Variants in SYNJ2 observed in about 807,000 individuals in gnomAD.
The protein encoded by SYNJ2 is polyphosphatidylinositol phosphatase SYNJ2.
A neutral mutation model predicts 141.3 loss-of-function variants in SYNJ2; 116 were observed. The ratio of observed to expected loss-of-function variants is 0.82; its 90% CI spans 0.71 to 0.96. The LOEUF (loss-of-function observed/expected upper bound fraction) is 0.96. SYNJ2 is among the 40% of genes least tolerant of loss of function. The pLI is 0.00. For synonymous variants in SYNJ2, 745 were observed against 777.7 expected, an observed-to-expected ratio of 0.96 and a Z score of 0.70; for missense variants, 1,873 against 1,934.8, an observed-to-expected ratio of 0.97 and a Z score of 0.60.
intron 1 of SYNJ2, among the ~76,000 whole-genome samples, chr6:158,013,066 A>G (rs979676763): frequency 6.6e-5 from 10 of 152,252 alleles, no homozygotes; most frequent in African/African-American, 2.4e-4. Context: ...TTTAGCCCCC[A>G]TAAAAATACA....
At position 158,068,659 on chromosome 6, in the gene SYNJ2, C is replaced by T; in HGVS notation, c.1730C>T (p.Pro577Leu). Residue 577 changes from proline (P) to leucine (L), a missense_variant, in exon 13 of 27, where the codon CCA becomes CTA. Pro to Leu is a moderately conservative substitution (Grantham distance 98). Coordinates refer to ENST00000355585, the MANE Select transcript of SYNJ2 (RefSeq NM_003898.4). ...CCTTGCTCCCCAGATGACAGCAGCCCAGCTGACATATTTGCTGTGGGGTTT... is the reference window on the plus strand; with the variant it reads ...CCTTGCTCCCCAGATGACAGCAGCCTAGCTGACATATTTGCTGTGGGGTTT... ...GATDSQDDSS[P>L]ADIFAVGFEE... 1.2e-6 allele frequency: 2 copies of T among 1,614,260 alleles called. No homozygotes were observed. The highest frequency in any genetic ancestry group is 1.7e-4 in the Middle Eastern group (1 of 6,058).
intron 26 of SYNJ2, among the ~76,000 whole-genome samples, chr6:158,095,164 A>AAAT (rs1562415764): frequency 6.6e-6 from 1 of 151,934 alleles, no homozygotes; most frequent in African/African-American, 2.4e-5. Context: ...AAAAAAAAAA[A>AAAT]TTCAAGGAGA....
At position 157,982,030 on chromosome 6, in the gene SYNJ2, G is replaced by T; in HGVS notation, c.69G>T (p.Leu23=). The part of the protein sequence containing the change: ...LGAEGDCSVL[L]EARGRDDCLL... ...CCGAGGGGGACTGTAGCGTGCTGCT[G>T]GAGGCGCGCGGCCGCGACGACTGCC... Residue 23 remains leucine, a synonymous_variant, in exon 1 of 27, where the codon CTG becomes CTT. Coordinates refer to ENST00000355585, the MANE Select transcript of SYNJ2 (RefSeq NM_003898.4). This position sits in a 1 kb window ranked among gnomAD's most constrained non-coding sequence, Gnocchi z 4.0. The T allele has an allele frequency of 7.5e-7, 1 of 1,336,024 alleles. No homozygotes were observed. Among genetic ancestry groups the T allele is most frequent in the Non-Finnish European group, 9.6e-7 (1 of 1,046,676 alleles). The allele number at this position is 1,336,024 out of a possible 1,614,324, so 82.8% of individuals were successfully genotyped here.
rs1216900794 is a variant in SYNJ2, at chr6:158,051,988, GAA to G, written c.796-2976_796-2975del. ...AAAAAAAGAAGAAGAAGAATAAGAA[GAA>G]AAGAAAAGGAAACCTTCTCCAAGGA... is the stretch of plus-strand genomic sequence containing the variant. On this transcript the variant is annotated intron_variant, in intron 5 of 26. Transcript: ENST00000355585. Among the ~76,000 whole-genome samples the G allele has an allele frequency of 2.6e-5, 4 of 151,724 alleles. No individual in the cohort carries two copies. In the East Asian group the frequency reaches 7.7e-4, roughly 29 times the overall value.
At chr6:158,066,303 G>A (rs1035827098) in intron 11 of SYNJ2, 141 bp from the exon 12 acceptor site, 6 of 924,146 alleles carry the variant, frequency 6.5e-6, no homozygotes, top group Admixed American at 5.3e-5. Flanking sequence ...GCCTTTTGTC[G>A]TCTTCGTAAG....
chr6:158,091,653 G>T (rs1783460594), intron 25 of SYNJ2, among the ~76,000 whole-genome samples: 1 of 151,528 alleles, frequency 6.6e-6, no homozygotes, highest in African/African-American at 2.4e-5. Context: ...GGGAGGCTGA[G>T]GCAGAAGAAT....
chr6:158,068,831 C>T (rs736741), intron 13 of SYNJ2, 103 bp downstream of exon 13: 255,544 of 1,271,150 alleles, frequency 0.2, 28,618 homozygotes, highest in Admixed American at 0.39. Flanking sequence ...TGCTTCTGAG[C>T]CAGCTAAGCT....
chr6:158,020,822 C>G (rs1413546906), intron 2 of SYNJ2, among the ~76,000 whole-genome samples: 1 of 152,236 alleles, frequency 6.6e-6, no homozygotes, highest in African/African-American at 2.4e-5. Flanking sequence ...CCCACAGGCT[C>G]TTAATTTGGG....
rs751255083 is a variant in SYNJ2, at chr6:158,076,788, G to A, written c.2449+6G>A. The A allele has an allele frequency of 8.1e-5, 131 of 1,608,672 alleles. No homozygotes were observed. The highest frequency in any genetic ancestry group is 2.5e-4 in the East Asian group (11 of 44,760). On this transcript the variant is annotated splice_donor_region_variant and intron_variant, in intron 17 of 26. Coordinates refer to ENST00000355585, the MANE Select transcript of SYNJ2 (RefSeq NM_003898.4). The stretch of plus-strand genomic sequence containing the variant: ...ACATCCCTTTGATAAAACAGGTGAG[G>A]GGGCCGTGCCCGTTCGAGAGTCGGC...
intron 26 of SYNJ2, among the ~76,000 whole-genome samples, chr6:158,095,047 G>A (rs1021226786): frequency 6.6e-6 from 1 of 152,044 alleles, no homozygotes; most frequent in Admixed American, 6.5e-5. Flanking sequence ...TACTCGGGAG[G>A]CTGAAGCAGG....
In SYNJ2 at chr6:158,069,583, G is replaced by A. The variant is rs201236063; in HGVS notation, c.1850G>A (p.Arg617His). The A allele has an allele frequency of 3.1e-5, 50 of 1,613,840 alleles. No homozygotes were observed. In the Admixed American group the frequency reaches 3.7e-4, roughly 12 times the overall value. Residue 617 changes from arginine to histidine, a missense_variant, in exon 14 of 27, where the codon CGC becomes CAC. Coordinates refer to ENST00000355585, the MANE Select transcript of SYNJ2 (RefSeq NM_003898.4). ...GAACAGCTTCAGAAAGCCATCTCAC[G>A]CTCTCATAGATACATTCTGTTGACT... ...WGEQLQKAIS[R>H]SHRYILLTSA... is the part of the protein sequence containing the mutation.
intron 5 of SYNJ2, among the ~76,000 whole-genome samples, chr6:158,048,222 G>T (rs563299093): frequency 3.4e-4 from 52 of 152,282 alleles, no homozygotes; most frequent in African/African-American, 1.2e-3. Flanking sequence ...AGGCCCCGGG[G>T]GCAGCTCTCC....
chr6:158,025,974 T>C (rs755913977), intron 2 of SYNJ2, among the ~76,000 whole-genome samples: 14 of 128,476 alleles, frequency 1.1e-4, no homozygotes, highest in Non-Finnish European at 1.9e-4. Context: ...AAATAAATAA[T>C]ACATGCATAC....
Position 158,069,592 on chromosome 6 carries a change from G to C in SYNJ2, c.1859G>C (p.Arg620Thr), listed in dbSNP as rs1487419361. 1 of 1,614,092 alleles carries C rather than the reference G, an allele frequency of 6.2e-7. No homozygotes were observed. The highest frequency in any genetic ancestry group is 1.7e-5 in the Admixed American group (1 of 60,020). Residue 620 changes from arginine (R) to threonine (T), a missense_variant, in exon 14 of 27, where the codon AGA becomes ACA. Physicochemically the swap from Arg to Thr is moderately conservative, Grantham distance 71. Transcript: ENST00000355585. ...CAGAAAGCCATCTCACGCTCTCATA[G>C]ATACATTCTGTTGACTTCGGCACAG... ...QLQKAISRSHRYILLTSAQLV... is the reference protein window; with the variant it reads ...QLQKAISRSHTYILLTSAQLV...
chr6:158,058,072 A>AT (rs557999266), intron 6 of SYNJ2, among the ~76,000 whole-genome samples: 4 of 152,268 alleles, frequency 2.6e-5, no homozygotes, highest in Non-Finnish European at 5.9e-5. Context: ...AAAAAAAATG[A>AT]TTTTTTTCAT....
At chr6:158,034,686 G>A (rs1396622035) in intron 4 of SYNJ2, among the ~76,000 whole-genome samples, 3 of 152,220 alleles carry the variant, frequency 2.0e-5, no homozygotes, top group Admixed American at 6.5e-5. Flanking sequence ...GGATATCAAC[G>A]AGGCTATTAT....
rs906967647 is a variant in SYNJ2 at position 158,043,979 on chromosome 6, C to T, written c.795+580C>T. ...AGGGTGGGGACACATTCCAAGAACA[C>T]ATTTGTCATCAATGGAATGACACGC... is the stretch of plus-strand genomic sequence containing the variant. On this transcript the variant is annotated intron_variant, in intron 5 of 26. Transcript: ENST00000355585. This position sits in a 1 kb window ranked among gnomAD's most constrained non-coding sequence, Gnocchi z 4.0. Among the ~76,000 whole-genome samples, 1 of 152,198 alleles carries T rather than the reference C, an allele frequency of 6.6e-6. No homozygotes were observed. Among genetic ancestry groups the T allele is most frequent in the Non-Finnish European group, 1.5e-5 (1 of 68,034 alleles).
intron 25 of SYNJ2, among the ~76,000 whole-genome samples, chr6:158,091,018 G>A (rs2128399910): frequency 6.6e-6 from 1 of 151,710 alleles, no homozygotes; most frequent in South Asian, 2.1e-4. Context: ...TTTTATTTTA[G>A]AAAAATAACT....
At chr6:158,018,176 A>G (rs562054855) in intron 2 of SYNJ2, among the ~76,000 whole-genome samples, 15 of 152,292 alleles carry the variant, frequency 9.8e-5, no homozygotes, top group African/African-American at 3.6e-4. Flanking sequence ...TCACTCTGAG[A>G]GACTCGGGGG....
Sources: gnomAD v4.1 joint callset for allele counts (sites outside exome capture counted in the v4.1 genomes callset) on GRCh38, gnomAD v4.1.1 for gene constraint, Gnocchi (gnomAD v3.1) non-coding constraint, MANE v1.5 for transcripts, NCBI Gene and HGNC (gene_info 2026-07-23, HGNC 2026-07-21) for gene names.